The following FAAH2 variants were observed in gnomAD, a reference collection of about 807,000 sequenced individuals.
The protein encoded by FAAH2 is fatty acid amide hydrolase 2, also known as fatty-acid amide hydrolase 2.
FAAH2 carries 60 observed loss-of-function variants against 36.9 expected under a neutral mutation model. The observed-to-expected ratio is 1.63, with a 90% confidence interval of 1.32 to 2.02. The LOEUF (loss-of-function observed/expected upper bound fraction) is 2.02, where lower values mean the gene tolerates loss of function less well. FAAH2 is among the 30% of genes most tolerant of loss of function. FAAH2 has a pLI of 0.00. For synonymous variants in FAAH2, 214 were observed against 143.8 expected (o/e 1.49, Z -3.49); for missense variants, 689 against 397.5 (o/e 1.73, Z -6.23).
In FAAH2 at chrX:57,432,049, T is replaced by A; in HGVS notation, c.1116+12T>A. ...GACATGATGGGAAGGTATTTTTACCTCTTTCTTTACTTACTTTTTTCTTTG... is the reference window on the plus strand; with the variant it reads ...GACATGATGGGAAGGTATTTTTACCACTTTCTTTACTTACTTTTTTCTTTG... On this transcript the variant is annotated intron_variant, in intron 8 of 10. Transcript: ENST00000374900. 3 of 1,186,849 alleles carry A rather than the reference T, an allele frequency of 2.5e-6. No individual in the cohort carries two copies. The highest frequency in any genetic ancestry group is 3.4e-6 in the Non-Finnish European group (3 of 879,994).
chrX:57,284,764 A>C (rs187850155), upstream of FAAH2, among the ~76,000 whole-genome samples: 26 of 112,067 alleles, frequency 2.3e-4, no homozygotes, highest in Non-Finnish European at 4.1e-4. Context: ...TAAAAAAAAA[A>C]CAGAAGCTTT....
intron 7 of FAAH2, among the ~76,000 whole-genome samples, chrX:57,417,671 T>C (rs1428921564): frequency 4.5e-5 from 5 of 111,788 alleles, no homozygotes; most frequent in Non-Finnish European, 7.5e-5. Flanking sequence ...TGTCGACCCC[T>C]GCTTGGAGCT....
intron 7 of FAAH2, among the ~76,000 whole-genome samples, chrX:57,422,694 A>T (rs947585138): frequency 2.7e-5 from 3 of 111,361 alleles, no homozygotes; most frequent in Non-Finnish European, 5.7e-5. Context: ...TGTCTATGCC[A>T]TTGCCTCTGT....
upstream of FAAH2, among the ~76,000 whole-genome samples, chrX:57,283,176 G>A (rs1335362559): frequency 1.8e-5 from 2 of 112,066 alleles, no homozygotes; most frequent in Admixed American, 9.4e-5. Flanking sequence ...CTGGAGGTGT[G>A]GTTAAAGCAC....
intron 7 of FAAH2, among the ~76,000 whole-genome samples, chrX:57,410,346 A>G (rs1310857469): frequency 9.0e-6 from 1 of 111,314 alleles, no homozygotes; most frequent in African/African-American, 3.3e-5. Context: ...CTGCTGCTAG[A>G]TGGAATATTC....
At chrX:57,403,673 A>G (rs1248068830) in intron 7 of FAAH2, among the ~76,000 whole-genome samples, 1 of 112,484 alleles carries the variant, frequency 8.9e-6, no homozygotes, top group Non-Finnish European at 1.9e-5. Context: ...GAGCAGACCA[A>G]TTATTAGGCA....
At chrX:57,478,414 G>A (rs777203594) in intron 10 of FAAH2, among the ~76,000 whole-genome samples, 193 of 111,197 alleles carry the variant, frequency 1.7e-3, no homozygotes, top group Middle Eastern at 4.7e-3. Context: ...AGTAGGTTGT[G>A]AAAATTTTCT....
intron 8 of FAAH2, among the ~76,000 whole-genome samples, chrX:57,437,950 T>A (rs945653348): frequency 1.9e-5 from 2 of 103,856 alleles, no homozygotes. Flanking sequence ...GGTACATGTA[T>A]ACACATATAT....
intron 8 of FAAH2, among the ~76,000 whole-genome samples, chrX:57,441,769 C>T (rs572271227): frequency 4.6e-4 from 51 of 111,474 alleles, no homozygotes; most frequent in Middle Eastern, 4.6e-3. Context: ...TCCCTCTACA[C>T]ACTGCTTTAA....
At chrX:57,259,143 T>G in the FAAH2 span, among the ~76,000 whole-genome samples, 1 of 111,727 alleles carries the variant, frequency 9.0e-6, no homozygotes, top group East Asian at 2.8e-4. Flanking sequence ...TTATACATCA[T>G]GGATGGAAAT....
intron 5 of FAAH2, among the ~76,000 whole-genome samples, chrX:57,377,743 C>T (rs761777389): frequency 6.4e-4 from 72 of 112,048 alleles, no homozygotes; most frequent in African/African-American, 2.1e-3. Flanking sequence ...GTAGTATGGC[C>T]ATTTTTACAG....
chrX:57,326,980 GT>G (rs2053237571), intron 3 of FAAH2, among the ~76,000 whole-genome samples: 1 of 103,820 alleles, frequency 9.6e-6, no homozygotes, highest in South Asian at 4.4e-4. Flanking sequence ...GCTGGTATCG[GT>G]TGTTCCTTTC....
chrX:57,268,515 C>T, the FAAH2 span, among the ~76,000 whole-genome samples: 21 of 110,898 alleles, frequency 1.9e-4, no homozygotes, highest in East Asian at 5.1e-3. Context: ...CAGTAACATG[C>T]TCCACAGAAA....
At chrX:57,176,023 C>G in the FAAH2 span, among the ~76,000 whole-genome samples, 1 of 111,265 alleles carries the variant, frequency 9.0e-6, no homozygotes, top group African/African-American at 3.3e-5. Flanking sequence ...TTCACATTGA[C>G]TTTATATAGC....
intron 10 of FAAH2, among the ~76,000 whole-genome samples, chrX:57,463,698 A>G (rs1444455845): frequency 2.7e-5 from 3 of 111,972 alleles, no homozygotes; most frequent in Non-Finnish European, 5.6e-5. Flanking sequence ...CAAAACCACA[A>G]TGAGATACCA....
At chrX:57,379,131 C>A (rs766979918) in intron 6 of FAAH2, among the ~76,000 whole-genome samples, 1 of 111,678 alleles carries the variant, frequency 9.0e-6, no homozygotes, top group African/African-American at 3.2e-5. Flanking sequence ...TACATACTTT[C>A]CAATCTCACC....
chrX:57,425,576 G>GA (rs961905656), intron 7 of FAAH2, among the ~76,000 whole-genome samples: 6 of 111,240 alleles, frequency 5.4e-5, no homozygotes, highest in African/African-American at 1.6e-4. Flanking sequence ...AGTTCTTCAT[G>GA]AAAAAAACAC....
At chrX:57,151,288 C>T in the FAAH2 span, among the ~76,000 whole-genome samples, 4 of 111,332 alleles carry the variant, frequency 3.6e-5, no homozygotes, top group Non-Finnish European at 7.5e-5. Context: ...TCTGTATTTC[C>T]TGAATCTGAA....
the FAAH2 span, among the ~76,000 whole-genome samples, chrX:57,153,741 C>T: frequency 8.9e-6 from 1 of 112,501 alleles, no homozygotes; most frequent in Non-Finnish European, 1.9e-5. Flanking sequence ...TTCTGTTAAT[C>T]TGTTTTCCTT....
Sources: allele counts gnomAD v4.1 joint callset (sites outside exome capture counted in the v4.1 genomes callset), GRCh38; gene constraint gnomAD v4.1.1; transcripts MANE v1.5; gene names NCBI Gene and HGNC (gene_info 2026-07-23, HGNC 2026-07-21).